Variants in SYNE1 observed in about 807,000 individuals in gnomAD.
The protein encoded by SYNE1 is nesprin-1.
A neutral mutation model predicts 1,111.0 loss-of-function variants in SYNE1; 616 were observed. That is an observed-to-expected ratio of 0.55 (90% CI 0.52 to 0.59). SYNE1 has a LOEUF of 0.59. Among genes scored for constraint, SYNE1 ranks in the 20% least tolerant of loss-of-function variants. The probability of loss-of-function intolerance (pLI) is 0.00; values close to 1 mark genes in which losing one functional copy is unlikely to be tolerated. For synonymous variants in SYNE1, 3,855 were observed against 3,825.8 expected (o/e 1.01, Z -0.28); for missense variants, 10,006 against 10,417.0 (o/e 0.96, Z 1.72).
Position 152,466,072 on chromosome 6 carries a change from T to C in SYNE1, c.1639A>G (p.Ile547Val), listed in dbSNP as rs1177108547. ...EQLLQNYVSF[I>V]ENSKFFEQYE... ...TGTTCAAAGAACTTGCTATTTTCTATAAAAGACTAGAAAAGGAGGAATGGT... is the reference window on the plus strand; with the variant it reads ...TGTTCAAAGAACTTGCTATTTTCTACAAAAGACTAGAAAAGGAGGAATGGT... Residue 547 changes from isoleucine to valine, a missense_variant, in exon 17 of 146, where the codon ATA becomes GTA. Around this residue, in one of 7 missense-constraint regions of SYNE1, gnomAD observed 1,971 missense variants for 2,084.1 expected, o/e 0.95. Coordinates refer to ENST00000367255, the MANE Select transcript of SYNE1 (RefSeq NM_182961.4). 6.3e-7 allele frequency: 1 copy of C among 1,593,650 alleles called. No homozygotes were observed. Among genetic ancestry groups the C allele is most frequent in the Admixed American group, 1.7e-5 (1 of 59,882 alleles).
intron 16 of SYNE1, among the ~76,000 whole-genome samples, chr6:152,468,952 A>T (rs79204980): frequency 0.036 from 5,465 of 151,912 alleles, 359 homozygotes; most frequent in African/African-American, 0.12. Flanking sequence ...AATTTTTAAA[A>T]TTTTTTGTAG....
rs768483988 is a variant in SYNE1 at position 152,433,963 on chromosome 6, A to G, written c.4311-18T>C. The stretch of plus-strand genomic sequence containing the variant: ...TTTTAATACTAAAATTAACCAAATT[A>G]AGTAAATAAAACTCAGTATTTTAAT... On this transcript the variant is annotated intron_variant, in intron 33 of 145. Transcript: ENST00000367255. 2 of 1,596,982 alleles carry G rather than the reference A, an allele frequency of 1.3e-6. No individual in the cohort carries two copies. Among genetic ancestry groups the G allele is most frequent in the Middle Eastern group, 1.7e-4 (1 of 6,026 alleles).
At chr6:152,165,472 T>C (rs979057653) in intron 130 of SYNE1, among the ~76,000 whole-genome samples, 10 of 152,184 alleles carry the variant, frequency 6.6e-5, no homozygotes, top group Non-Finnish European at 1.3e-4. Context: ...AATATCTATA[T>C]TTTAATAATT....
Position 152,207,038 on chromosome 6 carries a change from G to T in SYNE1, c.22825-676C>A, listed in dbSNP as rs143371099. The stretch of plus-strand genomic sequence containing the variant: ...GTAGAATGGAAGAAGGATGTGTGTT[G>T]GATATACTAAGATTAGGAAGCTATT... On this transcript the variant is annotated intron_variant, in intron 125 of 145. Transcript: ENST00000367255. 8.9e-3 allele frequency among the ~76,000 whole-genome samples: 1,361 copies of T among 152,272 alleles called. 8 individuals carry two copies. Among genetic ancestry groups the T allele is most frequent in the Middle Eastern group, 0.014 (4 of 294 alleles).
At chr6:152,578,829 G>C (rs896949994) in intron 3 of SYNE1, among the ~76,000 whole-genome samples, 4 of 151,658 alleles carry the variant, frequency 2.6e-5, no homozygotes, top group African/African-American at 9.7e-5. Context: ...TCACTTCTCT[G>C]TTTATTTCAT....
intron 45 of SYNE1, among the ~76,000 whole-genome samples, chr6:152,406,077 C>A (rs1272888162): frequency 1.3e-5 from 2 of 151,944 alleles, no homozygotes; most frequent in Non-Finnish European, 2.9e-5. Flanking sequence ...TAAAACAGTG[C>A]CTGACATATC....
chr6:152,256,852 T>A (rs2090972818), intron 101 of SYNE1, 87 bp from the exon 102 acceptor site: 2 of 1,570,170 alleles, frequency 1.3e-6, no homozygotes, highest in South Asian at 1.1e-5. Context: ...AAATAGATGC[T>A]GAAAACACTG....
intron 39 of SYNE1, among the ~76,000 whole-genome samples, chr6:152,424,731 A>G (rs575306001): frequency 1.7e-3 from 266 of 152,358 alleles, no homozygotes; most frequent in African/African-American, 6.3e-3. Context: ...TATTGCTGCT[A>G]TTTCCAGCAC....
intron 93 of SYNE1, among the ~76,000 whole-genome samples, chr6:152,299,522 C>T (rs1460699309): frequency 6.6e-6 from 1 of 152,196 alleles, no homozygotes; most frequent in East Asian, 1.9e-4. Flanking sequence ...CATGCTGACT[C>T]CTTCTCAGCT....
chr6:152,430,407 TA>T, intron 35 of SYNE1, 74 bp downstream of exon 35: 1 of 1,352,556 alleles, frequency 7.4e-7, no homozygotes, highest in Non-Finnish European at 1.1e-6. Flanking sequence ...CCACTATTTG[TA>T]AAGTATTTAT....
intron 76 of SYNE1, 138 bp downstream of exon 76, chr6:152,336,703 C>G: frequency 1.7e-6 from 2 of 1,151,952 alleles, no homozygotes; most frequent in Non-Finnish European, 2.5e-6. Context: ...GGCTTGGGGA[C>G]CTCTGCCTTA....
chr6:152,441,048 A>T, intron 32 of SYNE1, 82 bp downstream of exon 32: 4 of 1,512,226 alleles, frequency 2.6e-6, no homozygotes, highest in Non-Finnish European at 3.7e-6. Flanking sequence ...ATAACAATTA[A>T]TAGTAATAAT....
chr6:152,318,852 C>T lies in SYNE1; in HGVS notation c.16389+11G>A. ...TCATTCAGTAGTACCCTTTAAAATT[C>T]TACTTCTTACCTTTTGGTCAGTTTT... On this transcript the variant is annotated intron_variant, in intron 85 of 145. Coordinates refer to ENST00000367255, the MANE Select transcript of SYNE1 (RefSeq NM_182961.4). 6.2e-7 allele frequency: 1 copy of T among 1,614,000 alleles called. No individual in the cohort carries two copies. The highest frequency in any genetic ancestry group is 8.5e-7 in the Non-Finnish European group (1 of 1,179,936).
At chr6:152,156,728 G>T (rs199655471) in intron 131 of SYNE1, among the ~76,000 whole-genome samples, 2 of 152,098 alleles carry the variant, frequency 1.3e-5, no homozygotes, top group South Asian at 4.1e-4. Flanking sequence ...TTTGATCTAC[G>T]GTTGGTGGAA....
intron 144 of SYNE1, 69 bp downstream of exon 144, chr6:152,132,053 G>A (rs987123569): frequency 7.0e-7 from 1 of 1,421,554 alleles, no homozygotes; most frequent in Non-Finnish European, 9.9e-7. Context: ...CCCTGTGGTG[G>A]GTGCAAATAC....
intron 131 of SYNE1, among the ~76,000 whole-genome samples, chr6:152,158,034 G>A (rs1446638288): frequency 6.6e-6 from 1 of 152,188 alleles, no homozygotes; most frequent in Non-Finnish European, 1.5e-5. Flanking sequence ...TGGAATTACA[G>A]GTGTGAGCCA....
At chr6:152,407,762 C>CTT (rs34322784) in intron 44 of SYNE1, among the ~76,000 whole-genome samples, 6,356 of 123,902 alleles carry the variant, frequency 0.051, 328 homozygotes, top group African/African-American at 0.13. Flanking sequence ...AAAGAATGTT[C>CTT]TTTTTTTTTT....
intron 57 of SYNE1, 83 bp from the exon 58 acceptor site, chr6:152,376,641 T>G: frequency 6.3e-7 from 1 of 1,575,810 alleles, no homozygotes; most frequent in African/African-American, 1.4e-5. Flanking sequence ...CACCAGTTCT[T>G]AGAATGTGCA....
intron 3 of SYNE1, among the ~76,000 whole-genome samples, chr6:152,574,642 A>G (rs975189934): frequency 1.3e-5 from 2 of 152,228 alleles, no homozygotes; most frequent in African/African-American, 4.8e-5. Context: ...CTAAGTAAAT[A>G]CCGTAGTTGT....
Sources: gnomAD v4.1 joint callset for allele counts (sites outside exome capture counted in the v4.1 genomes callset) on GRCh38, gnomAD v4.1.1 for gene constraint, gnomAD v4.1.1 regional missense constraint, MANE v1.5 for transcripts, NCBI Gene and HGNC (gene_info 2026-07-23, HGNC 2026-07-21) for gene names.